The following TASOR variants were observed in gnomAD, a reference collection of about 807,000 sequenced individuals.
The protein encoded by TASOR is protein TASOR.
Under a neutral mutation model 178.6 loss-of-function variants are expected in TASOR, and 53 were observed. The observed-to-expected ratio is 0.30, with a 90% CI of 0.24 to 0.37. TASOR has a LOEUF of 0.37. TASOR is among the 10% of genes least tolerant of loss of function. The pLI, the probability that TASOR is intolerant of heterozygous loss-of-function variation, is 1.00. For missense variants in TASOR, 1,815 were observed against 1,971.4 expected, an observed-to-expected ratio of 0.92 and a Z score of 1.50; for synonymous variants, 713 against 696.2, an observed-to-expected ratio of 1.02 and a Z score of -0.38.
Position 56,641,751 on chromosome 3 carries a change from C to A in TASOR, c.2217G>T (p.Glu739Asp). 6.3e-7 allele frequency: 1 copy of A among 1,586,958 alleles called. No individual in the cohort carries two copies. Among genetic ancestry groups the A allele is most frequent in the African/African-American group, 1.4e-5 (1 of 73,998 alleles). The change falls in exon 15 of 24, where the codon GAG becomes GAT. Residue 739 changes from glutamate to aspartate, a missense_variant and splice_region_variant. Glu to Asp is a conservative substitution (Grantham distance 45, BLOSUM62 2). This residue lies in a region of TASOR where 655 missense variants were observed against 671.1 expected (regional missense o/e 0.98). Transcript: ENST00000683822. ...NLSENCHLYE[E>D]SPQPIGSLGH... ...CAAGTGAGCCAATAGGCTGTGGAGACTCTGAGAAAAAGGAAGTCATTGGTT... is the reference window on the plus strand; with the variant it reads ...CAAGTGAGCCAATAGGCTGTGGAGAATCTGAGAAAAAGGAAGTCATTGGTT...
At chr3:56,635,676 C>T (rs1463359216) in intron 17 of TASOR, among the ~76,000 whole-genome samples, 1 of 152,236 alleles carries the variant, frequency 6.6e-6, no homozygotes, top group East Asian at 1.9e-4. Context: ...TGGGGCCTCA[C>T]TATGTTTCCC....
chr3:56,653,048 T>C (rs1318865490), intron 11 of TASOR, among the ~76,000 whole-genome samples: 3 of 151,976 alleles, frequency 2.0e-5, no homozygotes, highest in South Asian at 2.1e-4. Context: ...GTGGATCACC[T>C]GAGGTCAGGA....
At chr3:56,660,685 A>G (rs2077575553) in intron 11 of TASOR, 46 bp downstream of exon 11, 2 of 1,427,496 alleles carry the variant, frequency 1.4e-6, no homozygotes, top group Non-Finnish European at 2.0e-6. Flanking sequence ...ATGAATATGC[A>G]TATTTGTAAC....
Position 56,621,192 on chromosome 3 carries a change from A to C in TASOR, c.*1845T>G. The C allele has an allele frequency of 6.0e-6, 1 of 166,772 alleles. No individual in the cohort carries two copies. Among genetic ancestry groups the C allele is most frequent in the African/African-American group, 2.4e-5 (1 of 42,102 alleles). The allele number at this position is 166,772 out of a possible 1,614,324, so 10.3% of individuals were successfully genotyped here. A position where few individuals can be genotyped will look rare whatever the true frequency, so the allele number is the denominator to read the frequency against. On this transcript the variant is annotated 3_prime_UTR_variant, in exon 24 of 24. Transcript: ENST00000683822. ...AACAAAACAACAACAACAAAAAAAAAACACTGTATGTTAAGGGAGACTCCT... is the reference window on the plus strand; with the variant it reads ...AACAAAACAACAACAACAAAAAAAACACACTGTATGTTAAGGGAGACTCCT...
At chr3:56,662,627 T>C in intron 8 of TASOR, 137 bp from the exon 9 acceptor site, 1 of 516,016 alleles carries the variant, frequency 1.9e-6, no homozygotes, top group Non-Finnish European at 3.5e-6. Flanking sequence ...AAACAGTGAC[T>C]CTTCTACACT....
chr3:56,623,154 T>C lies in TASOR; in HGVS notation c.4896A>G (p.Gln1632=), dbSNP rs2076724928. The change falls in exon 24 of 24, where the codon CAA becomes CAG. Residue 1632 remains glutamine (Q), a synonymous_variant. Transcript: ENST00000683822. ...TPYALSSSQS[Q]ENENYFLSAY... Reference sequence around the variant, plus strand: ...CAGATAAGAAGTAATTCTCATTTTCTTGAGACTGACTTGATGAAAGGGCAT... The same window carrying C: ...CAGATAAGAAGTAATTCTCATTTTCCTGAGACTGACTTGATGAAAGGGCAT... The C allele has an allele frequency of 2.5e-6, 4 of 1,613,638 alleles. No homozygotes were observed. The highest frequency in any genetic ancestry group is 1.3e-5 in the African/African-American group (1 of 74,916).
At position 56,675,015 on chromosome 3, in the gene TASOR, C is replaced by T. The variant is rs188599348; in HGVS notation, c.332-1290G>A. On this transcript the variant is annotated intron_variant, in intron 1 of 23. Transcript: ENST00000683822. ...TGTGTGTGTGTGTTTTTAGTAGAGACGGGGTTTCACTGTGTTAGCCAGGAT... is the reference window on the plus strand; with the variant it reads ...TGTGTGTGTGTGTTTTTAGTAGAGATGGGGTTTCACTGTGTTAGCCAGGAT... Among the ~76,000 whole-genome samples the T allele has an allele frequency of 2.0e-5, 3 of 152,132 alleles. No homozygotes were observed. In the East Asian group the frequency reaches 5.8e-4, roughly 29 times the overall value.
intron 1 of TASOR, among the ~76,000 whole-genome samples, chr3:56,675,740 A>T (rs1054093): frequency 6.6e-6 from 1 of 152,074 alleles, no homozygotes; most frequent in East Asian, 1.9e-4. Flanking sequence ...TGTAACAGTC[A>T]AAACAGGTCA....
intron 13 of TASOR, among the ~76,000 whole-genome samples, chr3:56,647,785 T>C (rs1359111770): frequency 1.3e-5 from 2 of 152,266 alleles, no homozygotes; most frequent in Non-Finnish European, 2.9e-5. Flanking sequence ...AATCTTGTCT[T>C]ATATCAGTGC....
chr3:56,666,231 G>C, intron 7 of TASOR, 29 bp downstream of exon 7: 1 of 1,505,958 alleles, frequency 6.6e-7, no homozygotes, highest in Non-Finnish European at 8.9e-7. Context: ...TTATCACTGC[G>C]GATGATGTCT....
intron 1 of TASOR, among the ~76,000 whole-genome samples, chr3:56,678,432 C>T (rs766903810): frequency 6.6e-6 from 1 of 151,834 alleles, no homozygotes; most frequent in African/African-American, 2.4e-5. Flanking sequence ...TCGCCCACCT[C>T]GGCCTCTCAA....
chr3:56,665,593 A>T (rs1202981404), intron 7 of TASOR, among the ~76,000 whole-genome samples: 1 of 151,984 alleles, frequency 6.6e-6, no homozygotes, highest in Admixed American at 6.5e-5. Flanking sequence ...TCCTGACCTC[A>T]GGTGATCCAC....
At position 56,622,691 on chromosome 3, in the gene TASOR, T is replaced by TA. The variant is rs2076714033; in HGVS notation, c.*345dup. Reference sequence around the variant, plus strand: ...ATAATTCACTTCAACAAAAGTACTTTATATCAGGTGACATTAGAGAAAAAG... The same window carrying TA: ...ATAATTCACTTCAACAAAAGTACTTTAATATCAGGTGACATTAGAGAAAAAG... On this transcript the variant is annotated 3_prime_UTR_variant, in exon 24 of 24. Transcript: ENST00000683822. 6.2e-6 allele frequency: 1 copy of TA among 162,382 alleles called. No individual in the cohort carries two copies. Among genetic ancestry groups the TA allele is most frequent in the Admixed American group, 6.4e-5 (1 of 15,660 alleles). 10.1% of individuals were successfully genotyped at this position (162,382 alleles called of 1,614,324 possible). A position where few individuals can be genotyped will look rare whatever the true frequency, so the allele number is the denominator to read the frequency against.
chr3:56,673,062 C>T (rs1470490458), intron 2 of TASOR, among the ~76,000 whole-genome samples: 1 of 152,168 alleles, frequency 6.6e-6, no homozygotes, highest in Non-Finnish European at 1.5e-5. Flanking sequence ...CCGTCCACCT[C>T]GGCCTCCCAA....
intron 7 of TASOR, 105 bp downstream of exon 7, chr3:56,666,152 TAAA>T (rs34101168): frequency 3.5e-4 from 296 of 854,606 alleles, no homozygotes; most frequent in Middle Eastern, 7.9e-4. Flanking sequence ...CAAGGGAAGT[TAAA>T]AAAAAAAAAA....
In TASOR at chr3:56,623,276, A is replaced by G. The variant is rs2076727759; in HGVS notation, c.4774T>C (p.Tyr1592His). ...CTATGATAAACCTGAAAGTTACTAT[A>G]TGAATCTTGTTCTGTTGAATTGCTG... ...ENSNSTEQDS[Y>H]SNFQVYHSQL... Residue 1592 changes from tyrosine to histidine, a missense_variant, in exon 24 of 24, where the codon TAT (tyrosine) becomes CAT (histidine). Tyr to His is a moderately conservative substitution (Grantham distance 83, BLOSUM62 2). Transcript: ENST00000683822. 1 of 1,613,574 alleles carries G rather than the reference A, an allele frequency of 6.2e-7. No homozygotes were observed. Among genetic ancestry groups the G allele is most frequent in the Non-Finnish European group, 8.5e-7 (1 of 1,179,924 alleles).
intron 11 of TASOR, among the ~76,000 whole-genome samples, chr3:56,658,658 A>G (rs1309908983): frequency 6.6e-6 from 1 of 152,180 alleles, no homozygotes; most frequent in Non-Finnish European, 1.5e-5. Context: ...GGCTCACCCA[A>G]CACTTTGGGA....
At chr3:56,663,643 A>AT (rs2077647008) in intron 7 of TASOR, 71 bp from the exon 8 acceptor site, 6 of 1,221,178 alleles carry the variant, frequency 4.9e-6, no homozygotes, top group Non-Finnish European at 6.2e-6. Context: ...ATGTAAGATG[A>AT]TATAAGTGCA....
At chr3:56,626,971 G>A (rs1321371546) in intron 21 of TASOR, 66 bp downstream of exon 21, 2 of 988,376 alleles carry the variant, frequency 2.0e-6, no homozygotes, top group African/African-American at 1.6e-5. Context: ...AACATGGGAA[G>A]AGAGAAATAT....
Sources: gnomAD v4.1 joint callset for allele counts (sites outside exome capture counted in the v4.1 genomes callset) on GRCh38, gnomAD v4.1.1 for gene constraint, gnomAD v4.1.1 regional missense constraint, MANE v1.5 for transcripts, NCBI Gene and HGNC (gene_info 2026-07-23, HGNC 2026-07-21) for gene names.